The following MAGI2 variants were observed in gnomAD, a reference collection of about 807,000 sequenced individuals.
The protein encoded by MAGI2 is membrane-associated guanylate kinase, WW and PDZ domain-containing protein 2.
In MAGI2, 35 loss-of-function variants were observed where a neutral mutation model predicts 133.3. The observed-to-expected ratio is 0.26, with a 90% CI of 0.20 to 0.35. MAGI2 has a LOEUF of 0.35. MAGI2 is among the 10% of genes least tolerant of loss of function. MAGI2 has a pLI of 1.00. For synonymous variants in MAGI2, 729 were observed against 710.6 expected (o/e 1.03, Z -0.41); for missense variants, 1,636 against 1,863.4 (o/e 0.88, Z 2.25).
chr7:78,197,576 T>C (rs577356299), intron 11 of MAGI2, among the ~76,000 whole-genome samples: 3 of 152,350 alleles, frequency 2.0e-5, no homozygotes, highest in African/African-American at 7.2e-5. Flanking sequence ...TGGGCACTGT[T>C]TGGGAAGGCT....
At chr7:78,062,641 CCT>C (rs1163934947) in intron 21 of MAGI2, among the ~76,000 whole-genome samples, 8 of 151,714 alleles carry the variant, frequency 5.3e-5, no homozygotes, top group African/African-American at 2.0e-4. Flanking sequence ...ATCTGGCGCT[CCT>C]CTCTCTGTAT....
chr7:79,277,720 C>A (rs1026675654), intron 1 of MAGI2, among the ~76,000 whole-genome samples: 18 of 152,072 alleles, frequency 1.2e-4, no homozygotes, highest in Admixed American at 1.2e-3. Flanking sequence ...CACTATAGGC[C>A]CTTGACTTCC....
intron 2 of MAGI2, among the ~76,000 whole-genome samples, chr7:78,660,679 T>C (rs187215837): frequency 6.6e-6 from 1 of 152,354 alleles, no homozygotes; most frequent in East Asian, 1.9e-4. Flanking sequence ...ATTCCATTTC[T>C]AAATGCTTTA....
chr7:78,843,564 T>A (rs1792324544), intron 2 of MAGI2, among the ~76,000 whole-genome samples: 1 of 151,956 alleles, frequency 6.6e-6, no homozygotes, highest in Non-Finnish European at 1.5e-5. Context: ...TTTAGCATTT[T>A]AAAATATTTG....
At position 78,537,170 on chromosome 7, in the gene MAGI2, T is replaced by TACACACACAC. The variant is rs3086437; in HGVS notation, c.539-15535_539-15526dup. Among the ~76,000 whole-genome samples the TACACACACAC allele has an allele frequency of 3.2e-3, 475 of 146,294 alleles. 3 individuals are homozygous for TACACACACAC. The highest frequency in any genetic ancestry group is 6.2e-3 in the African/African-American group (241 of 39,180). Reference sequence around the variant, plus strand: ...TTTTTATGGCTGAATAGTATTCCACTACACACACACACACACACACACACA... The same window carrying TACACACACAC: ...TTTTTATGGCTGAATAGTATTCCACTACACACACACACACACACACACACACACACACACA... On this transcript the variant is annotated intron_variant, in intron 3 of 21. Transcript: ENST00000354212.
At chr7:79,126,789 C>A (rs7793744) in intron 1 of MAGI2, among the ~76,000 whole-genome samples, 2 of 151,500 alleles carry the variant, frequency 1.3e-5, no homozygotes, top group African/African-American at 2.4e-5. Context: ...ATGTTTTGTA[C>A]ATATTAAATA....
chr7:78,344,025 A>G, intron 8 of MAGI2, 65 bp from the exon 9 acceptor site: 3 of 1,479,094 alleles, frequency 2.0e-6, no homozygotes, highest in Non-Finnish European at 2.8e-6. Flanking sequence ...CAGACAAGAG[A>G]AAGCCAGCCC....
intron 12 of MAGI2, among the ~76,000 whole-genome samples, chr7:78,190,921 T>G (rs1250518417): frequency 6.6e-6 from 1 of 152,194 alleles, no homozygotes; most frequent in East Asian, 1.9e-4. Flanking sequence ...AGGTATTTTC[T>G]TTTGTTTTCA....
chr7:78,707,278 A>G (rs1319832256), intron 2 of MAGI2, among the ~76,000 whole-genome samples: 1 of 152,200 alleles, frequency 6.6e-6, no homozygotes, highest in East Asian at 1.9e-4. Context: ...GTTTTTAAAA[A>G]TTATATACCA....
At chr7:79,124,343 A>G (rs539759256) in intron 1 of MAGI2, among the ~76,000 whole-genome samples, 5 of 152,350 alleles carry the variant, frequency 3.3e-5, no homozygotes, top group African/African-American at 1.2e-4. Flanking sequence ...TTAACATACA[A>G]CATTAAAATT....
intron 9 of MAGI2, among the ~76,000 whole-genome samples, chr7:78,301,116 A>C (rs1407582437): frequency 6.6e-6 from 1 of 152,182 alleles, no homozygotes; most frequent in Non-Finnish European, 1.5e-5. Flanking sequence ...CCAGGGACCA[A>C]GCATTTAATG....
At chr7:78,447,908 T>A (rs895024538) in intron 6 of MAGI2, among the ~76,000 whole-genome samples, 1 of 152,086 alleles carries the variant, frequency 6.6e-6, no homozygotes, top group Admixed American at 6.6e-5. Flanking sequence ...GATCAATCTC[T>A]CCCTACATAC....
In MAGI2 at chr7:79,229,657, G is replaced by A. The variant is rs73371165; in HGVS notation, c.302-222451C>T. ...CATAATTGACCAAGAATCAGATTCT[G>A]GGCTCCAGTTGCAGACAGAGATAAC... On this transcript the variant is annotated intron_variant, in intron 1 of 21. Transcript: ENST00000354212. 4.3e-3 allele frequency among the ~76,000 whole-genome samples: 653 copies of A among 152,226 alleles called. 5 individuals carry two copies. Among genetic ancestry groups the A allele is most frequent in the African/African-American group, 0.015 (613 of 41,546 alleles).
chr7:78,564,192 TG>T (rs1459762645), intron 3 of MAGI2, among the ~76,000 whole-genome samples: 3 of 152,184 alleles, frequency 2.0e-5, no homozygotes, highest in African/African-American at 7.2e-5. Context: ...ATAATCTGAC[TG>T]GGTGCTCTTC....
intron 4 of MAGI2, among the ~76,000 whole-genome samples, chr7:78,508,760 T>C (rs17150918): frequency 6.6e-6 from 1 of 152,322 alleles, no homozygotes; most frequent in East Asian, 1.9e-4. Flanking sequence ...AAATAACCCA[T>C]GCATGTTTTA....
At chr7:78,325,270 C>T (rs1462709887) in intron 9 of MAGI2, among the ~76,000 whole-genome samples, 1 of 152,128 alleles carries the variant, frequency 6.6e-6, no homozygotes, top group South Asian at 2.1e-4. Context: ...AAACACTCAA[C>T]AAAGAAAATA....
At chr7:78,559,136 C>CAAAAAAAAAAAAAAAAAAAAAA (rs71085541) in intron 3 of MAGI2, among the ~76,000 whole-genome samples, 1 of 54,726 alleles carries the variant, frequency 1.8e-5, no homozygotes, top group Non-Finnish European at 3.0e-5. Flanking sequence ...TCTGAATTTC[C>CAAAAAAAAAAAAAAAAAAAAAA]AAAAAAAAAA....
At chr7:78,880,714 T>A (rs1205761935) in intron 2 of MAGI2, among the ~76,000 whole-genome samples, 1 of 152,114 alleles carries the variant, frequency 6.6e-6, no homozygotes, top group Non-Finnish European at 1.5e-5. Context: ...AATCAAAACC[T>A]CACATATCAT....
chr7:79,101,049 A>G (rs898887464), intron 1 of MAGI2, among the ~76,000 whole-genome samples: 8 of 152,148 alleles, frequency 5.3e-5, no homozygotes, highest in African/African-American at 1.9e-4. Flanking sequence ...TTTAGAATAT[A>G]GTTAATATCT....
Sources: allele counts gnomAD v4.1 joint callset (sites outside exome capture counted in the v4.1 genomes callset), GRCh38; gene constraint gnomAD v4.1.1; transcripts MANE v1.5; gene names NCBI Gene and HGNC (gene_info 2026-07-23, HGNC 2026-07-21).